The following ASPM variants were observed in gnomAD, a reference collection of about 807,000 sequenced individuals.
The protein encoded by ASPM is abnormal spindle-like microcephaly-associated protein.
In ASPM, 256 loss-of-function variants were observed where a neutral mutation model predicts 366.4. The ratio of observed to expected loss-of-function variants is 0.70; its 90% confidence interval spans 0.63 to 0.77. The LOEUF is 0.77. Among genes scored for constraint, ASPM ranks in the 30% least tolerant of loss-of-function variants. The pLI, the probability that ASPM is intolerant of heterozygous loss-of-function variation, is 0.00. For synonymous variants in ASPM, 1,414 were observed against 1,342.9 expected (o/e 1.05, Z -1.16); for missense variants, 4,146 against 4,090.4 (o/e 1.01, Z -0.37).
In ASPM at chr1:197,124,262, T is replaced by C. The variant is rs776864295; in HGVS notation, c.3238A>G (p.Lys1080Glu). The C allele has an allele frequency of 6.2e-7, 1 of 1,608,162 alleles. No individual in the cohort carries two copies. The highest frequency in any genetic ancestry group is 8.5e-7 in the Non-Finnish European group (1 of 1,175,264). The change falls in exon 13 of 28, where the codon AAG becomes GAG. Residue 1080 changes from lysine (K) to glutamate (E), a missense_variant. Coordinates refer to ENST00000367409, the MANE Select transcript of ASPM (RefSeq NM_018136.5). ...IAFLKHTKSIKKTISLLSCHS... is the reference protein window; with the variant it reads ...IAFLKHTKSIEKTISLLSCHS... ...CATGATAGTAGAGATATTGTTTTCT[T>C]TATACTCTTTGTGTGTTTTAGAAAG...
chr1:197,141,298 A>T (rs2125113087), intron 3 of ASPM, among the ~76,000 whole-genome samples: 1 of 152,314 alleles, frequency 6.6e-6, no homozygotes, highest in East Asian at 1.9e-4. Context: ...CTTGATTTGC[A>T]CATTGTCTAT....
chr1:197,104,551 T>A lies in ASPM; in HGVS notation c.4700A>T (p.Gln1567Leu). ...GTCTTGTCTCATTCTCCAGTATGAC[T>A]GAATAACACAAGCAGCTCTAATTTG... ...CRQIRAACVI[Q>L]SYWRMRQDRV... The change falls in exon 18 of 28, where the codon CAG (glutamine) becomes CTG (leucine). Residue 1567 changes from glutamine to leucine, a missense_variant. This residue lies in a region of ASPM where 3,624 missense variants were observed against 3,591.7 expected (regional missense o/e 1.01). Coordinates refer to ENST00000367409, the MANE Select transcript of ASPM (RefSeq NM_018136.5). 1 of 1,612,816 alleles carries A rather than the reference T, an allele frequency of 6.2e-7. No individual in the cohort carries two copies. Among genetic ancestry groups the A allele is most frequent in the Non-Finnish European group, 8.5e-7 (1 of 1,179,372 alleles).
chr1:197,104,349 A>G lies in ASPM; in HGVS notation c.4902T>C (p.Ser1634=). Residue 1634 remains serine (S), a synonymous_variant, in exon 18 of 28, where the codon TCT becomes TCC. Transcript: ENST00000367409. The part of the protein sequence containing the change: ...KVLASYQKTR[S]AVIVLQSAYR... ...ATGCAGACTGCAGCACAATGACAGCAGAGCGTGTTTTCTGGTAAGATGCTA... is the reference window on the plus strand; with the variant it reads ...ATGCAGACTGCAGCACAATGACAGCGGAGCGTGTTTTCTGGTAAGATGCTA... 6.2e-7 allele frequency: 1 copy of G among 1,613,124 alleles called. No homozygotes were observed. The highest frequency in any genetic ancestry group is 8.5e-7 in the Non-Finnish European group (1 of 1,179,436).
intron 17 of ASPM, among the ~76,000 whole-genome samples, chr1:197,110,524 G>A (rs1464078208): frequency 6.6e-6 from 1 of 151,968 alleles, no homozygotes; most frequent in Non-Finnish European, 1.5e-5. Context: ...GTGATAACTG[G>A]ATTCCAATAA....
intron 17 of ASPM, among the ~76,000 whole-genome samples, chr1:197,108,265 T>G (rs1485964342): frequency 1.3e-5 from 2 of 151,932 alleles, no homozygotes; most frequent in South Asian, 4.1e-4. Flanking sequence ...TAAACCTGTA[T>G]TTAGAAGAAA....
chr1:197,139,377 G>A (rs1658514401), intron 4 of ASPM: 1 of 579,038 alleles, frequency 1.7e-6, no homozygotes. Flanking sequence ...GAGGGATCAC[G>A]AGGTCAGGAG....
At position 197,101,257 on chromosome 1, in the gene ASPM, C is replaced by A; in HGVS notation, c.7994G>T (p.Arg2665Leu). The change falls in exon 18 of 28, where the codon CGT (arginine) becomes CTT (leucine). Residue 2665 changes from arginine to leucine, a missense_variant. This residue lies in a region of ASPM where 3,624 missense variants were observed against 3,591.7 expected (regional missense o/e 1.01). Transcript: ENST00000367409. ...CTGTATACAAATAACTGCTTGGGTA[C>A]GCACTGCAGTTAGTTTTCTGTATCT... ...QRRYRKLTAV[R>L]TQAVICIQSY... 6.2e-7 allele frequency: 1 copy of A among 1,611,734 alleles called. No individual in the cohort carries two copies. Among genetic ancestry groups the A allele is most frequent in the Non-Finnish European group, 8.5e-7 (1 of 1,178,644 alleles).
At chr1:197,106,751 T>A (rs1348901733) in intron 17 of ASPM, among the ~76,000 whole-genome samples, 2 of 152,104 alleles carry the variant, frequency 1.3e-5, no homozygotes, top group African/African-American at 2.4e-5. Context: ...TCTCACTTAA[T>A]TCTCACAAAA....
At chr1:197,108,559 A>C (rs1039298750) in intron 17 of ASPM, among the ~76,000 whole-genome samples, 7 of 152,268 alleles carry the variant, frequency 4.6e-5, no homozygotes, top group African/African-American at 1.7e-4. Flanking sequence ...AAGGATATTA[A>C]AGATATACTT....
At chr1:197,114,712 T>C (rs1247443025) in intron 17 of ASPM, among the ~76,000 whole-genome samples, 3 of 152,178 alleles carry the variant, frequency 2.0e-5, no homozygotes, top group South Asian at 2.1e-4. Context: ...TAGCTGGGAC[T>C]ATGGATGTGT....
At chr1:197,087,154 A>C (rs1252682918) in intron 26 of ASPM, among the ~76,000 whole-genome samples, 182 bp from the exon 27 acceptor site, 1 of 151,930 alleles carries the variant, frequency 6.6e-6, no homozygotes, top group Non-Finnish European at 1.5e-5. Flanking sequence ...AGCTCAATGC[A>C]ATCTCTGCCT....
Position 197,122,381 on chromosome 1 carries a change from G to A in ASPM, c.3598+7C>T, listed in dbSNP as rs1657937287. 1 of 1,613,450 alleles carries A rather than the reference G, an allele frequency of 6.2e-7. No individual in the cohort carries two copies. Among genetic ancestry groups the A allele is most frequent in the South Asian group, 1.1e-5 (1 of 91,012 alleles). The stretch of plus-strand genomic sequence containing the variant: ...AAAAATTGGAAAAGTAACCAAAAGG[G>A]ACTAACCATGATCAAATGCTTTAAG... On this transcript the variant is annotated splice_region_variant and intron_variant, in intron 14 of 27. Coordinates refer to ENST00000367409, the MANE Select transcript of ASPM (RefSeq NM_018136.5).
At chr1:197,087,138 G>A (rs1656618092) in intron 26 of ASPM, among the ~76,000 whole-genome samples, 166 bp from the exon 27 acceptor site, 1 of 151,660 alleles carries the variant, frequency 6.6e-6, no homozygotes. Flanking sequence ...GCAGTGGTGC[G>A]ATCTTAGCTC....
Position 197,135,345 on chromosome 1 carries a change from G to C in ASPM, c.2027-103C>G, listed in dbSNP as rs1658384836. 1.8e-5 allele frequency: 21 copies of C among 1,168,746 alleles called. No homozygotes were observed. In the East Asian group the frequency reaches 5.1e-4, roughly 28 times the overall value. The allele number at this position is 1,168,746 out of a possible 1,614,324, so 72.4% of individuals were successfully genotyped here. The stretch of plus-strand genomic sequence containing the variant: ...CTAGCAATACCATCTTTAAAACACT[G>C]AACAATATTTGCTTTTCTACTACTT... On this transcript the variant is annotated intron_variant, in intron 4 of 27. Transcript: ENST00000367409.
intron 7 of ASPM, 134 bp from the exon 8 acceptor site, chr1:197,130,190 A>G (rs1039281032): frequency 1.1e-6 from 1 of 946,372 alleles, no homozygotes; most frequent in African/African-American, 1.6e-5. Flanking sequence ...TATTTGCTAA[A>G]TAACTTCTTT....
rs1657346860 is a variant in ASPM, at chr1:197,104,651, A to G, written c.4600T>C (p.Tyr1534His). Reference protein sequence around the residue: ...YLKGKIERTNYLQKRAAAIQL... With the variant: ...YLKGKIERTNHLQKRAAAIQL... ...ATGGCTGCAGCTCGTTTCTGCAAAT[A>G]GTTGGTGCGCTCAATCTTTCCTTTC... Residue 1534 changes from tyrosine to histidine, a missense_variant, in exon 18 of 28, where the codon TAT becomes CAT. Physicochemically the swap from Tyr to His is moderately conservative, Grantham distance 83 (BLOSUM62 2). This residue lies in a region of ASPM where 3,624 missense variants were observed against 3,591.7 expected (regional missense o/e 1.01). Transcript: ENST00000367409. 1.9e-6 allele frequency: 3 copies of G among 1,613,036 alleles called. No individual in the cohort carries two copies. The highest frequency in any genetic ancestry group is 2.5e-6 in the Non-Finnish European group (3 of 1,179,470).
rs191113183 is a variant in ASPM, at chr1:197,126,212, G to A, written c.2937-1021C>T. Among the ~76,000 whole-genome samples the A allele has an allele frequency of 6.3e-3, 963 of 152,158 alleles. 11 individuals are homozygous for A. The highest frequency in any genetic ancestry group is 0.022 in the African/African-American group (925 of 41,528). On this transcript the variant is annotated intron_variant, in intron 10 of 27. Transcript: ENST00000367409. Reference sequence around the variant, plus strand: ...TCCCAACATTTTGGGAGGCTGAGGTGGGTGGATCACCTGAGGTCAGGAGTT... The same window carrying A: ...TCCCAACATTTTGGGAGGCTGAGGTAGGTGGATCACCTGAGGTCAGGAGTT...
rs544764152 is a variant in ASPM at position 197,122,643 on chromosome 1, A to G, written c.3391-48T>C. ...CAATTAACCGCATTTAGAAAGTAGT[A>G]TAGACATAATGGTTTGCAGAATACC... On this transcript the variant is annotated intron_variant, in intron 13 of 27. Transcript: ENST00000367409. The G allele has an allele frequency of 2.3e-5, 34 of 1,482,774 alleles. No individual in the cohort carries two copies. The East Asian group carries it at 7.8e-4, about 34-fold the overall frequency. The allele number at this position is 1,482,774 out of a possible 1,614,324, so 91.9% of individuals were successfully genotyped here. A position where few individuals can be genotyped will look rare whatever the true frequency, so the allele number is the denominator to read the frequency against.
chr1:197,085,165 T>C (rs535710866), intron 27 of ASPM, among the ~76,000 whole-genome samples: 71 of 152,298 alleles, frequency 4.7e-4, no homozygotes, highest in African/African-American at 1.7e-3. Flanking sequence ...GGATTTCAAA[T>C]TGAGTCAAAA....
Sources: allele counts gnomAD v4.1 joint callset (sites outside exome capture counted in the v4.1 genomes callset), GRCh38; gene constraint gnomAD v4.1.1; regional missense constraint gnomAD v4.1.1; transcripts MANE v1.5; gene names NCBI Gene and HGNC (gene_info 2026-07-23, HGNC 2026-07-21).